Variants in TTC9 observed in about 807,000 individuals in gnomAD.
TTC9 encodes the protein tetratricopeptide repeat domain 9, also known as tetratricopeptide repeat protein 9A.
TTC9 carries 13 observed loss-of-function variants against 22.9 expected under a neutral mutation model. The ratio of observed to expected loss-of-function variants is 0.57; its 90% CI spans 0.37 to 0.90. The LOEUF is 0.90. TTC9 is among the 40% of genes least tolerant of loss of function. The probability of loss-of-function intolerance (pLI) is 0.01; values close to 1 mark genes in which losing one functional copy is unlikely to be tolerated. For synonymous variants in TTC9, 148 were observed against 133.2 expected, an observed-to-expected ratio of 1.11 and a Z score of -0.77; for missense variants, 280 against 291.8, an observed-to-expected ratio of 0.96 and a Z score of 0.29.
intron 1 of TTC9, among the ~76,000 whole-genome samples, chr14:70,659,132 G>GCA (rs71105721): frequency 0.048 from 6,917 of 144,240 alleles, 325 homozygotes; most frequent in African/African-American, 0.11. Context: ...ACACACACAC[G>GCA]CACACACACA....
chr14:70,663,256 C>T (rs1886169161), intron 1 of TTC9, among the ~76,000 whole-genome samples: 2 of 152,204 alleles, frequency 1.3e-5, no homozygotes, highest in Admixed American at 1.3e-4. Flanking sequence ...TCCCCTCTCG[C>T]TCCCTCTCTT....
rs142216191 is a variant in TTC9, at chr14:70,674,647, T to C, written c.*3492T>C. The C allele has an allele frequency of 6.6e-6, 1 of 152,326 alleles. No individual in the cohort carries two copies. Among genetic ancestry groups the C allele is most frequent in the African/African-American group, 2.4e-5 (1 of 41,576 alleles). 9.4% of individuals were successfully genotyped at this position (152,326 alleles called of 1,614,324 possible). A position where few individuals can be genotyped will look rare whatever the true frequency, so the allele number is the denominator to read the frequency against. The stretch of plus-strand genomic sequence containing the variant: ...GCATCCTAGTGGAGATGCTTACACA[T>C]TGTCAAACATATGTATATATTCTTT... On this transcript the variant is annotated 3_prime_UTR_variant, in exon 3 of 3. Transcript: ENST00000256367.
intron 1 of TTC9, among the ~76,000 whole-genome samples, chr14:70,662,838 A>C (rs1157696949): frequency 6.6e-6 from 1 of 152,218 alleles, no homozygotes; most frequent in East Asian, 1.9e-4. Context: ...CCTTAATTCA[A>C]ACAGAGACCA....
intron 1 of TTC9, among the ~76,000 whole-genome samples, chr14:70,647,890 A>C (rs1885926284): frequency 6.6e-6 from 1 of 152,218 alleles, no homozygotes; most frequent in Non-Finnish European, 1.5e-5. Flanking sequence ...GCCAGCCCTC[A>C]ATGGGACACC....
chr14:70,659,576 T>C (rs1886117014), intron 1 of TTC9, among the ~76,000 whole-genome samples: 1 of 152,124 alleles, frequency 6.6e-6, no homozygotes, highest in Non-Finnish European at 1.5e-5. Flanking sequence ...TGTTTGCTTG[T>C]TTTTTGTTTT....
chr14:70,665,574 G>A (rs1470929789), intron 1 of TTC9, among the ~76,000 whole-genome samples: 2 of 152,188 alleles, frequency 1.3e-5, no homozygotes, highest in Non-Finnish European at 2.9e-5. Context: ...TGTTGCTTCT[G>A]TTGACTTGGC....
Position 70,642,325 on chromosome 14 carries a change from C to A in TTC9, c.196C>A (p.Gln66Lys). The change falls in exon 1 of 3, where the codon CAG becomes AAG. Residue 66 changes from glutamine to lysine, a missense_variant. Coordinates refer to ENST00000256367, the MANE Select transcript of TTC9 (RefSeq NM_015351.2). ...GCACGAGTTCAAAAGCCAAGGGGCG[C>A]AGTGCTACAAGGACAAGAAATTCCG... ...RAHEFKSQGA[Q>K]CYKDKKFREA... The A allele has an allele frequency of 1.3e-6, 2 of 1,584,834 alleles. No homozygotes were observed. Among genetic ancestry groups the A allele is most frequent in the South Asian group, 1.1e-5 (1 of 87,250 alleles).
chr14:70,652,542 C>G (rs1019702228), intron 1 of TTC9, among the ~76,000 whole-genome samples: 1 of 152,196 alleles, frequency 6.6e-6, no homozygotes, highest in Non-Finnish European at 1.5e-5. Context: ...GCAATGCCAG[C>G]TATATTAGGC....
intron 1 of TTC9, among the ~76,000 whole-genome samples, chr14:70,663,541 G>A (rs916743075): frequency 6.6e-6 from 1 of 152,220 alleles, no homozygotes; most frequent in African/African-American, 2.4e-5. Flanking sequence ...CAGCTATAAT[G>A]CTACTTCTTC....
chr14:70,654,945 T>C (rs1002247277), intron 1 of TTC9, among the ~76,000 whole-genome samples: 1 of 152,228 alleles, frequency 6.6e-6, no homozygotes, highest in African/African-American at 2.4e-5. Flanking sequence ...ACTCAGTTGA[T>C]TGGCATAAGA....
chr14:70,652,578 CAAAAA>C (rs149214707), intron 1 of TTC9, among the ~76,000 whole-genome samples: 8,889 of 152,188 alleles, frequency 0.058, 366 homozygotes, highest in Non-Finnish European at 0.088. Flanking sequence ...GCAGTGAAAA[CAAAAA>C]ACAAAACAAA....
In TTC9 at chr14:70,674,158, G is replaced by A. The variant is rs113806475; in HGVS notation, c.*3003G>A. 3.6e-4 allele frequency: 55 copies of A among 152,196 alleles called. 1 individual carries two copies. Among genetic ancestry groups the A allele is most frequent in the African/African-American group, 1.3e-3 (54 of 41,526 alleles). 9.4% of individuals were successfully genotyped at this position (152,196 alleles called of 1,614,324 possible). The stretch of plus-strand genomic sequence containing the variant: ...CAAGAACTGTGATTTAATTCCGTAC[G>A]TTGCGGATGTCACTGCTGACCTATG... On this transcript the variant is annotated 3_prime_UTR_variant, in exon 3 of 3. Coordinates refer to ENST00000256367, the MANE Select transcript of TTC9 (RefSeq NM_015351.2).
At chr14:70,659,124 A>ACACACGCGCG (rs771569305) in intron 1 of TTC9, among the ~76,000 whole-genome samples, 21 of 122,854 alleles carry the variant, frequency 1.7e-4, no homozygotes, top group Middle Eastern at 3.7e-3. Context: ...AACTAAACAC[A>ACACACGCGCG]CACACACGCA....
At chr14:70,661,275 T>C (rs1416038831) in intron 1 of TTC9, among the ~76,000 whole-genome samples, 1 of 152,200 alleles carries the variant, frequency 6.6e-6, no homozygotes, top group African/African-American at 2.4e-5. Context: ...ATTCTAACTA[T>C]TTCATTTTAA....
At chr14:70,659,161 CAT>C (rs1886111036) in intron 1 of TTC9, among the ~76,000 whole-genome samples, 1 of 151,968 alleles carries the variant, frequency 6.6e-6, no homozygotes, top group Admixed American at 6.6e-5. Flanking sequence ...CACACACACA[CAT>C]ACTGGGTACA....
rs115893894 is a variant in TTC9, at chr14:70,652,115, G to A, written c.406+9580G>A. Among the ~76,000 whole-genome samples the A allele has an allele frequency of 3.6e-3, 550 of 152,260 alleles. 5 individuals are homozygous for A. Among genetic ancestry groups the A allele is most frequent in the African/African-American group, 0.013 (532 of 41,536 alleles). On this transcript the variant is annotated intron_variant, in intron 1 of 2. Coordinates refer to ENST00000256367, the MANE Select transcript of TTC9 (RefSeq NM_015351.2). Reference sequence around the variant, plus strand: ...GGGGGTTAGATCAGCTTCCTGCCAAGCTTTCTTTCAGAAGCATTGAACTAT... The same window carrying A: ...GGGGGTTAGATCAGCTTCCTGCCAAACTTTCTTTCAGAAGCATTGAACTAT...
chr14:70,659,656 GTATT>G (rs1886118280), intron 1 of TTC9, among the ~76,000 whole-genome samples: 1 of 152,208 alleles, frequency 6.6e-6, no homozygotes, highest in Non-Finnish European at 1.5e-5. Flanking sequence ...TTCCGGATGA[GTATT>G]TACGTATAAA....
chr14:70,647,336 C>T (rs1214349865), intron 1 of TTC9, among the ~76,000 whole-genome samples: 1 of 152,158 alleles, frequency 6.6e-6, no homozygotes, highest in Non-Finnish European at 1.5e-5. Flanking sequence ...TGTGCACTTT[C>T]CACCAGGCTT....
chr14:70,667,836 GC>G, intron 2 of TTC9, 90 bp downstream of exon 2: 2 of 1,356,822 alleles, frequency 1.5e-6, no homozygotes, highest in Non-Finnish European at 2.0e-6. Context: ...GGCTAGGAGG[GC>G]CAGGCAGGGA....
Sources: gnomAD v4.1 joint callset for allele counts (sites outside exome capture counted in the v4.1 genomes callset) on GRCh38, gnomAD v4.1.1 for gene constraint, MANE v1.5 for transcripts, NCBI Gene and HGNC (gene_info 2026-07-23, HGNC 2026-07-21) for gene names.